The following NTRK2 variants were observed in gnomAD, a reference collection of about 807,000 sequenced individuals.
NTRK2 encodes the protein BDNF/NT-3 growth factors receptor.
Under a neutral mutation model 94.5 loss-of-function variants are expected in NTRK2, and 13 were observed. The observed-to-expected ratio is 0.14, with a 90% CI of 0.09 to 0.22. NTRK2 has a LOEUF of 0.22. NTRK2 is among the 10% of genes least tolerant of loss of function. The probability of loss-of-function intolerance (pLI) is 1.00; values close to 1 mark genes in which losing one functional copy is unlikely to be tolerated. For missense variants in NTRK2, 639 were observed against 1,071.2 expected (o/e 0.60, Z 5.63); for synonymous variants, 372 against 407.4 (o/e 0.91, Z 1.05).
At chr9:84,804,982 T>A (rs1041055559) in intron 12 of NTRK2, among the ~76,000 whole-genome samples, 1 of 152,154 alleles carries the variant, frequency 6.6e-6, no homozygotes, top group African/African-American at 2.4e-5. Context: ...TTTTCTCTAC[T>A]CCACTTAAAG....
chr9:84,929,677 T>G (rs1475726675), intron 14 of NTRK2, among the ~76,000 whole-genome samples: 1 of 151,952 alleles, frequency 6.6e-6, no homozygotes, highest in East Asian at 1.9e-4. Flanking sequence ...TTCTCCTGCC[T>G]CAGTCTCCCG....
rs2118024545 is a variant in NTRK2, at chr9:85,021,465, C to G, written c.*28C>G. 1 of 1,609,124 alleles carries G rather than the reference C, an allele frequency of 6.2e-7. No individual in the cohort carries two copies. The highest frequency in any genetic ancestry group is 1.1e-5 in the South Asian group (1 of 90,938). The stretch of plus-strand genomic sequence containing the variant: ...CCCTTTTCCCCAGACCGATCCTTCC[C>G]AACGTACTCCTCAGACGGGCTGAGA... On this transcript the variant is annotated 3_prime_UTR_variant, in exon 19 of 19. Transcript: ENST00000277120.
intron 6 of NTRK2, among the ~76,000 whole-genome samples, chr9:84,721,374 C>T (rs2062054127): frequency 6.6e-6 from 1 of 152,018 alleles, no homozygotes; most frequent in African/African-American, 2.4e-5. Context: ...GATGGGGTTT[C>T]ACTATGTTGT....
At chr9:84,711,719 AT>A (rs1170008023) in intron 6 of NTRK2, among the ~76,000 whole-genome samples, 2 of 152,176 alleles carry the variant, frequency 1.3e-5, no homozygotes, top group Non-Finnish European at 2.9e-5. Flanking sequence ...TTTGAGGTCT[AT>A]TTTTTATTTA....
intron 2 of NTRK2, among the ~76,000 whole-genome samples, chr9:84,678,078 G>T (rs1267049589): frequency 6.6e-6 from 1 of 152,082 alleles, no homozygotes; most frequent in Non-Finnish European, 1.5e-5. Context: ...TTGTATGTGT[G>T]TACCGTGTTT....
chr9:84,709,420 G>A (rs1004975769), intron 5 of NTRK2, among the ~76,000 whole-genome samples: 1 of 152,124 alleles, frequency 6.6e-6, no homozygotes, highest in Admixed American at 6.6e-5. Context: ...TTAAACTGGT[G>A]GTGGGTCTTT....
At chr9:84,750,722 T>C (rs1313265918) in intron 11 of NTRK2, among the ~76,000 whole-genome samples, 1 of 152,234 alleles carries the variant, frequency 6.6e-6, no homozygotes, top group East Asian at 1.9e-4. Context: ...CCATCTGACC[T>C]TTACAGCAAA....
chr9:84,797,657 ATAT>A (rs2069611325), intron 12 of NTRK2, among the ~76,000 whole-genome samples: 3 of 40,436 alleles, frequency 7.4e-5, no homozygotes, highest in African/African-American at 5.2e-4. Flanking sequence ...AATAATATAT[ATAT>A]TATATATTAT....
At chr9:84,912,215 T>G (rs575316454) in intron 14 of NTRK2, among the ~76,000 whole-genome samples, 2 of 152,224 alleles carry the variant, frequency 1.3e-5, no homozygotes, top group Non-Finnish European at 2.9e-5. Flanking sequence ...AAAATGTGCA[T>G]TCTGCTGTTG....
At chr9:84,716,978 A>G (rs2061748138) in intron 6 of NTRK2, among the ~76,000 whole-genome samples, 1 of 152,240 alleles carries the variant, frequency 6.6e-6, no homozygotes, top group Non-Finnish European at 1.5e-5. Context: ...GTTGTGGAAT[A>G]TAGCTGTTCA....
intron 12 of NTRK2, among the ~76,000 whole-genome samples, chr9:84,831,587 A>ACAC (rs1192803500): frequency 2.0e-5 from 3 of 152,210 alleles, no homozygotes; most frequent in Non-Finnish European, 4.4e-5. Flanking sequence ...CATTCCTGTG[A>ACAC]GGTAGATACC....
intron 12 of NTRK2, among the ~76,000 whole-genome samples, chr9:84,788,659 AACAGCGTCCTGGATGATGGAG>A (rs1472623859): frequency 1.1e-4 from 16 of 152,124 alleles, no homozygotes; most frequent in African/African-American, 3.6e-4. Context: ...GTTCTGTGGG[AACAGCGTCCTGGATGATGGAG>A]ACACAGCATG....
intron 14 of NTRK2, among the ~76,000 whole-genome samples, chr9:84,909,895 T>G (rs980805168): frequency 6.6e-6 from 1 of 152,222 alleles, no homozygotes; most frequent in African/African-American, 2.4e-5. Context: ...TTCATCATTT[T>G]AACAGGATAA....
intron 14 of NTRK2, among the ~76,000 whole-genome samples, chr9:84,926,109 CCTT>C (rs2077761715): frequency 1.2e-3 from 53 of 43,912 alleles, no homozygotes; most frequent in African/African-American, 2.9e-3. Flanking sequence ...TCCTTCCTTT[CCTT>C]CCTTCCTTCC....
intron 12 of NTRK2, among the ~76,000 whole-genome samples, chr9:84,781,364 G>C (rs1222469368): frequency 6.6e-6 from 1 of 151,912 alleles, no homozygotes; most frequent in African/African-American, 2.4e-5. Flanking sequence ...TTTTGTTGAC[G>C]CTTCTTAAGA....
At chr9:84,774,223 T>C (rs910340232) in intron 12 of NTRK2, among the ~76,000 whole-genome samples, 1 of 152,090 alleles carries the variant, frequency 6.6e-6, no homozygotes, top group African/African-American at 2.4e-5. Flanking sequence ...ACTGGACCCA[T>C]ATTGAGTTCT....
intron 12 of NTRK2, among the ~76,000 whole-genome samples, chr9:84,820,726 CA>C (rs2072755527): frequency 6.6e-6 from 1 of 152,166 alleles, no homozygotes; most frequent in South Asian, 2.1e-4. Context: ...GTTCAAGGAT[CA>C]AGTGTGTATG....
At chr9:84,807,291 C>A (rs1053235037) in intron 12 of NTRK2, among the ~76,000 whole-genome samples, 11 of 152,208 alleles carry the variant, frequency 7.2e-5, no homozygotes, top group African/African-American at 4.8e-5. Context: ...ACTTCGCTGA[C>A]CTTCAACTCC....
intron 12 of NTRK2, among the ~76,000 whole-genome samples, chr9:84,828,233 C>T (rs2073309398): frequency 6.6e-6 from 1 of 152,056 alleles, no homozygotes. Flanking sequence ...TTGTTTTAAC[C>T]CCTTCCTAAA....
Sources: allele counts gnomAD v4.1 joint callset (sites outside exome capture counted in the v4.1 genomes callset), GRCh38; gene constraint gnomAD v4.1.1; transcripts MANE v1.5; gene names NCBI Gene and HGNC (gene_info 2026-07-23, HGNC 2026-07-21).